WIPF1: variants seen among roughly 807,000 people sequenced by gnomAD.
WIPF1 encodes WAS/WASL interacting protein family member 1, also known as WAS/WASL-interacting protein family member 1.
Under a neutral mutation model 35.4 loss-of-function variants are expected in WIPF1, and 13 were observed. That is an observed-to-expected ratio of 0.37 (90% CI 0.24 to 0.58). WIPF1 has a LOEUF of 0.58. Among genes scored for constraint, WIPF1 ranks in the 20% least tolerant of loss-of-function variants. The pLI is 0.74. For synonymous variants in WIPF1, 267 were observed against 266.3 expected (o/e 1.00, Z -0.02); for missense variants, 591 against 667.0 (o/e 0.89, Z 1.25).
chr2:174,637,179 C>A (rs1244233279), intron 1 of WIPF1, among the ~76,000 whole-genome samples: 1 of 152,168 alleles, frequency 6.6e-6, no homozygotes, highest in Admixed American at 6.5e-5. Flanking sequence ...CCAGCTTCGG[C>A]CACTGGGAGC....
Position 174,571,941 on chromosome 2 carries a change from C to A in WIPF1, c.864G>T (p.Gln288His). 2 of 1,591,122 alleles carry A rather than the reference C, an allele frequency of 1.3e-6. No individual in the cohort carries two copies. ...HREAVPPPPP[Q>H]NNKPPVPSTP... is the part of the protein sequence containing the mutation. ...TGGAAGGCACTGGAGGCTTGTTGTT[C>A]TGAGGAGGAGGAGGGGGAACCGCTT... The change falls in exon 5 of 8, where the codon CAG becomes CAT. Residue 288 changes from glutamine (Q) to histidine (H), a missense_variant. Coordinates refer to ENST00000679041, the MANE Select transcript of WIPF1 (RefSeq NM_001375834.1). The surrounding 1 kb of genome is among the most constrained non-coding windows in gnomAD (Gnocchi z 4.6).
chr2:174,664,455 C>G (rs1297325934), intron 1 of WIPF1, among the ~76,000 whole-genome samples: 1 of 152,218 alleles, frequency 6.6e-6, no homozygotes, highest in Non-Finnish European at 1.5e-5. Context: ...CTCATCTCTA[C>G]AGAAACCTAC....
In WIPF1 at chr2:174,585,539, G is replaced by C; in HGVS notation, c.35C>G (p.Pro12Arg). ...GACACTCACCAGTGCAAACGTCGGG[G>C]GCGGCGGGGGTGCTGGAGGGGGAGG... ...PVPPPPAPPP[P>R]PTFALANTEK... The change falls in exon 2 of 8, where the codon CCC becomes CGC. Residue 12 changes from proline to arginine, a missense_variant. This residue lies in a region of WIPF1 where 471 missense variants were observed against 501.1 expected (regional missense o/e 0.94). Coordinates refer to ENST00000679041, the MANE Select transcript of WIPF1 (RefSeq NM_001375834.1). 6.2e-7 allele frequency: 1 copy of C among 1,613,056 alleles called. No homozygotes were observed. Among genetic ancestry groups the C allele is most frequent in the Non-Finnish European group, 8.5e-7 (1 of 1,179,572 alleles).
chr2:174,576,243 A>AAAAAAAAAAAAAAAAAAAAAAAAAAAC (rs1559149036), intron 3 of WIPF1, among the ~76,000 whole-genome samples: 32 of 150,462 alleles, frequency 2.1e-4, no homozygotes, highest in African/African-American at 7.2e-4. Flanking sequence ...AAAAAAAAAA[A>AAAAAAAAAAAAAAAAAAAAAAAAAAAC]AAAAAACACT....
At chr2:174,616,542 A>G (rs1686510601) in intron 1 of WIPF1, among the ~76,000 whole-genome samples, 1 of 152,090 alleles carries the variant, frequency 6.6e-6, no homozygotes, top group South Asian at 2.1e-4. Flanking sequence ...TAAGGAGGGA[A>G]GAGGATACCT....
At chr2:174,574,624 C>T (rs1684985501) in intron 4 of WIPF1, 1 of 415,626 alleles carries the variant, frequency 2.4e-6, no homozygotes, top group Non-Finnish European at 4.3e-6. Context: ...TGAGCAAGTT[C>T]AGTTTTTTTC....
chr2:174,599,953 G>T (rs972415111), upstream of WIPF1, among the ~76,000 whole-genome samples: 1 of 152,204 alleles, frequency 6.6e-6, no homozygotes. Flanking sequence ...GTGGGGGCAG[G>T]GGGTGGGGAT....
intron 1 of WIPF1, among the ~76,000 whole-genome samples, chr2:174,606,335 G>A (rs1036951592): frequency 6.6e-6 from 1 of 152,052 alleles, no homozygotes; most frequent in East Asian, 1.9e-4. Context: ...CCCCCAAATA[G>A]TATCATTATA....
chr2:174,585,541 C>T lies in WIPF1; in HGVS notation c.33G>A (p.Pro11=), dbSNP rs775206272. Residue 11 remains proline (P), a synonymous_variant, in exon 2 of 8, where the codon CCG becomes CCA. Transcript: ENST00000679041. ...CACTCACCAGTGCAAACGTCGGGGG[C>T]GGCGGGGGTGCTGGAGGGGGAGGGA... The part of the protein sequence containing the change: MPVPPPPAPP[P]PPTFALANTE... 4.5e-5 allele frequency: 22 copies of T among 484,222 alleles called. No individual in the cohort carries two copies. In the South Asian group the frequency reaches 4.7e-4, roughly 10 times the overall value. 30.0% of individuals were successfully genotyped at this position (484,222 alleles called of 1,614,324 possible). A position where few individuals can be genotyped will look rare whatever the true frequency, so the allele number is the denominator to read the frequency against.
At position 174,575,467 on chromosome 2, in the gene WIPF1, G is replaced by A. The variant is rs547349414; in HGVS notation, c.182-87C>T. 68 of 1,454,376 alleles carry A rather than the reference G, an allele frequency of 4.7e-5. No individual in the cohort carries two copies. The African/African-American group carries it at 6.3e-4, about 13-fold the overall frequency. 90.1% of individuals were successfully genotyped at this position (1,454,376 alleles called of 1,614,324 possible). A position where few individuals can be genotyped will look rare whatever the true frequency, so the allele number is the denominator to read the frequency against. Reference sequence around the variant, plus strand: ...ACAACAGTACAACAGGGAGCTGGCCGGCTCTCGGCCTCCAGTGGACAACTG... The same window carrying A: ...ACAACAGTACAACAGGGAGCTGGCCAGCTCTCGGCCTCCAGTGGACAACTG... On this transcript the variant is annotated intron_variant, in intron 3 of 7. Coordinates refer to ENST00000679041, the MANE Select transcript of WIPF1 (RefSeq NM_001375834.1).
intron 1 of WIPF1, among the ~76,000 whole-genome samples, chr2:174,608,734 T>C (rs1056695540): frequency 2.0e-5 from 3 of 152,228 alleles, no homozygotes; most frequent in African/African-American, 7.2e-5. Flanking sequence ...TGAAGATAGC[T>C]GTGTGTTCCC....
chr2:174,582,797 T>C (rs1245684509), intron 2 of WIPF1, among the ~76,000 whole-genome samples: 1 of 152,226 alleles, frequency 6.6e-6, no homozygotes, highest in Non-Finnish European at 1.5e-5. Context: ...CTAACCAGAA[T>C]TGCAGTGGTA....
intron 1 of WIPF1, among the ~76,000 whole-genome samples, chr2:174,681,581 G>C (rs1455679499): frequency 6.6e-6 from 1 of 152,166 alleles, no homozygotes; most frequent in Non-Finnish European, 1.5e-5. Flanking sequence ...AAATTGCTTT[G>C]GGAAGCTGGC....
At chr2:174,604,688 T>C (rs1434662193) in intron 1 of WIPF1, among the ~76,000 whole-genome samples, 1 of 152,268 alleles carries the variant, frequency 6.6e-6, no homozygotes, top group Non-Finnish European at 1.5e-5. Context: ...TCCGAAGAGC[T>C]GGCCTAACAT....
At chr2:174,648,338 G>A (rs1211215755) in intron 1 of WIPF1, among the ~76,000 whole-genome samples, 1 of 152,126 alleles carries the variant, frequency 6.6e-6, no homozygotes, top group Non-Finnish European at 1.5e-5. Context: ...AATGATATAA[G>A]CAAGGTACTA....
intron 1 of WIPF1, among the ~76,000 whole-genome samples, chr2:174,639,567 T>G (rs997308434): frequency 1.3e-5 from 2 of 151,818 alleles, no homozygotes; most frequent in African/African-American, 4.9e-5. Context: ...GGTTTTTTTG[T>G]TTTTGGTTTT....
Position 174,571,528 on chromosome 2 carries a change from G to T in WIPF1, c.1129+148C>A. The T allele has an allele frequency of 9.0e-7, 1 of 1,107,458 alleles. No individual in the cohort carries two copies. The highest frequency in any genetic ancestry group is 1.3e-5 in the South Asian group (1 of 79,572). 68.6% of individuals were successfully genotyped at this position (1,107,458 alleles called of 1,614,324 possible). A position where few individuals can be genotyped will look rare whatever the true frequency, so the allele number is the denominator to read the frequency against. ...TCCCCCGGGGTTTACACGAGGTCAC[G>T]ATCACACGTGTCGTGTGCCACTTAA... On this transcript the variant is annotated intron_variant, in intron 5 of 7. Coordinates refer to ENST00000679041, the MANE Select transcript of WIPF1 (RefSeq NM_001375834.1). This position sits in a 1 kb window ranked among gnomAD's most constrained non-coding sequence, Gnocchi z 4.6.
intron 6 of WIPF1, among the ~76,000 whole-genome samples, 160 bp from the exon 7 acceptor site, chr2:174,567,343 C>T (rs935980569): frequency 6.6e-6 from 1 of 152,200 alleles, no homozygotes; most frequent in East Asian, 1.9e-4. Context: ...ACAAAGGTCA[C>T]GAATTAGTAC....
In WIPF1 at chr2:174,571,255, G is replaced by A. The variant is rs1190167370; in HGVS notation, c.1129+421C>T. On this transcript the variant is annotated intron_variant, in intron 5 of 7. Transcript: ENST00000679041. This position sits in a 1 kb window ranked among gnomAD's most constrained non-coding sequence, Gnocchi z 4.6. ...AGAGAAGTACAGGAGAAGTTCATTA[G>A]CTCTTGAAGAACTTCCCCTCTTGTT... The A allele has an allele frequency of 2.6e-6, 1 of 378,556 alleles. No individual in the cohort carries two copies. Among genetic ancestry groups the A allele is most frequent in the African/African-American group, 2.1e-5 (1 of 47,912 alleles). The allele number at this position is 378,556 out of a possible 1,614,324, so 23.4% of individuals were successfully genotyped here. A position where few individuals can be genotyped will look rare whatever the true frequency, so the allele number is the denominator to read the frequency against.
Sources: gnomAD v4.1 joint callset for allele counts (sites outside exome capture counted in the v4.1 genomes callset) on GRCh38, gnomAD v4.1.1 for gene constraint, gnomAD v4.1.1 regional missense constraint, Gnocchi (gnomAD v3.1) non-coding constraint, MANE v1.5 for transcripts, NCBI Gene and HGNC (gene_info 2026-07-23, HGNC 2026-07-21) for gene names.